The following JMJD1C variants were observed in gnomAD, a reference collection of about 807,000 sequenced individuals.
JMJD1C encodes jumonji domain containing 1C.
A neutral mutation model predicts 245.3 loss-of-function variants in JMJD1C; 31 were observed. That is an observed-to-expected ratio of 0.13 (90% CI 0.09 to 0.17). The LOEUF (loss-of-function observed/expected upper bound fraction) is 0.17, where lower values mean the gene tolerates loss of function less well. Ranked by LOEUF, JMJD1C falls within the 10% of genes least tolerant of loss-of-function variation. JMJD1C has a pLI of 1.00. For missense variants in JMJD1C, 2,691 were observed against 3,000.2 expected, an observed-to-expected ratio of 0.90 and a Z score of 2.41; for synonymous variants, 1,057 against 1,017.4, an observed-to-expected ratio of 1.04 and a Z score of -0.74.
intron 16 of JMJD1C, 111 bp from the exon 17 acceptor site, chr10:63,191,219 C>A: frequency 3.5e-5 from 26 of 746,838 alleles, no homozygotes; most frequent in Non-Finnish European, 5.6e-5. Context: ...GCAACCTCTG[C>A]CTCCCAGGTT....
chr10:63,301,944 A>G (rs1391964992), intron 2 of JMJD1C: 8 of 278,852 alleles, frequency 2.9e-5, no homozygotes, highest in Non-Finnish European at 4.3e-5. Context: ...CTATGAGTAC[A>G]TACAGAACTA....
intron 2 of JMJD1C, among the ~76,000 whole-genome samples, chr10:63,275,019 G>A (rs1352020762): frequency 2.6e-5 from 4 of 152,136 alleles, no homozygotes; most frequent in Non-Finnish European, 5.9e-5. Context: ...AACATTGCAA[G>A]ATGCTGTCTC....
chr10:63,167,516 C>CTACTT lies in JMJD1C; in HGVS notation c.*524_*528dup, dbSNP rs1167620241. On this transcript the variant is annotated 3_prime_UTR_variant, in exon 26 of 26. Transcript: ENST00000399262. ...ATATTGAAGTGTCTGTATTTAGTAT[C>CTACTT]TACTTTATATACTTTATACTTTACA... 6.6e-6 allele frequency: 1 copy of CTACTT among 152,436 alleles called. No individual in the cohort carries two copies. The highest frequency in any genetic ancestry group is 2.4e-5 in the African/African-American group (1 of 41,388). The allele number at this position is 152,436 out of a possible 1,614,324, so 9.4% of individuals were successfully genotyped here. A position where few individuals can be genotyped will look rare whatever the true frequency, so the allele number is the denominator to read the frequency against.
chr10:63,221,956 A>G (rs943102182), intron 3 of JMJD1C, among the ~76,000 whole-genome samples: 3 of 152,186 alleles, frequency 2.0e-5, no homozygotes, highest in African/African-American at 7.2e-5. Context: ...TCCTGACCTC[A>G]GGTGATCCAC....
intron 1 of JMJD1C, among the ~76,000 whole-genome samples, chr10:63,513,917 G>GATAAAATAAA (rs566826128): frequency 4.0e-5 from 6 of 151,378 alleles, no homozygotes; most frequent in African/African-American, 1.5e-4. Flanking sequence ...TAGCTCAAAA[G>GATAAAATAAA]ATAAAATAAA....
chr10:63,204,205 A>G, intron 10 of JMJD1C: 2 of 984,832 alleles, frequency 2.0e-6, no homozygotes, highest in Non-Finnish European at 2.4e-6. Flanking sequence ...TTAATAGATG[A>G]CATCTAATAT....
chr10:63,282,241 T>C (rs1857495681), intron 2 of JMJD1C, among the ~76,000 whole-genome samples: 2 of 152,226 alleles, frequency 1.3e-5, no homozygotes, highest in South Asian at 4.1e-4. Context: ...GCCAAATTTT[T>C]CAATGGACAA....
intron 2 of JMJD1C, among the ~76,000 whole-genome samples, chr10:63,305,196 GTCTCTAC>G (rs964851400): frequency 6.6e-6 from 1 of 151,420 alleles, no homozygotes; most frequent in African/African-American, 2.4e-5. Flanking sequence ...GTGAAACCCC[GTCTCTAC>G]TAAAAATAAA....
Position 63,337,624 on chromosome 10 carries a change from A to AAAAAGAAAAGAAAAAGAAAAG in JMJD1C, c.333+42693_333+42694insCTTTTCTTTTTCTTTTCTTTT, listed in dbSNP as rs1554892781. 6.6e-5 allele frequency among the ~76,000 whole-genome samples: 4 copies of AAAAAGAAAAGAAAAAGAAAAG among 60,194 alleles called. 1 individual carries two copies. Among genetic ancestry groups the AAAAAGAAAAGAAAAAGAAAAG allele is most frequent in the Non-Finnish European group, 1.3e-4 (4 of 30,156 alleles). The allele number at this position is 60,194 out of a possible 152,430, so 39.5% of individuals were successfully genotyped here. A position where few individuals can be genotyped will look rare whatever the true frequency, so the allele number is the denominator to read the frequency against. Reference sequence around the variant, plus strand: ...AAAAGAAAAGAAAAGAAAAGAAAAGAAAAAGAAAAGAAAAAAAATCCGCTA... The same window carrying AAAAAGAAAAGAAAAAGAAAAG: ...AAAAGAAAAGAAAAGAAAAGAAAAGAAAAAGAAAAGAAAAAGAAAAGAAAAGAAAAGAAAAAAAATCCGCTA... On this transcript the variant is annotated intron_variant, in intron 2 of 25. Coordinates refer to ENST00000399262, the MANE Select transcript of JMJD1C (RefSeq NM_032776.3).
chr10:63,429,358 AAGAC>A (rs761154657), intron 1 of JMJD1C, among the ~76,000 whole-genome samples: 17 of 152,150 alleles, frequency 1.1e-4, no homozygotes, highest in Non-Finnish European at 1.6e-4. Flanking sequence ...AGAAAAAAAA[AAGAC>A]AGCTTTGAAG....
chr10:63,465,702 G>T lies in JMJD1C; in HGVS notation c.-40C>A, dbSNP rs774549375. On this transcript the variant is annotated 5_prime_UTR_variant, in exon 1 of 26. Transcript: ENST00000399262. Reference sequence around the variant, plus strand: ...AAGCGGCCGCTGCCTCCTCCAGTGCGAGGGAACCGATGAAACCTCACTCCT... The same window carrying T: ...AAGCGGCCGCTGCCTCCTCCAGTGCTAGGGAACCGATGAAACCTCACTCCT... 1 of 1,600,510 alleles carries T rather than the reference G, an allele frequency of 6.2e-7. No individual in the cohort carries two copies. The highest frequency in any genetic ancestry group is 8.5e-7 in the Non-Finnish European group (1 of 1,178,134).
intron 1 of JMJD1C, among the ~76,000 whole-genome samples, chr10:63,492,626 A>G (rs1222774714): frequency 3.9e-5 from 6 of 152,204 alleles, no homozygotes; most frequent in Non-Finnish European, 7.3e-5. Flanking sequence ...GTAAGCCAAG[A>G]TTGCGAACAC....
At chr10:63,223,846 C>T (rs754293204) in intron 3 of JMJD1C, among the ~76,000 whole-genome samples, 4 of 152,152 alleles carry the variant, frequency 2.6e-5, no homozygotes, top group East Asian at 1.9e-4. Context: ...CTCCACCTCC[C>T]GGGTTCAAGA....
At chr10:63,495,421 A>C (rs1046680540) in intron 1 of JMJD1C, among the ~76,000 whole-genome samples, 4 of 151,592 alleles carry the variant, frequency 2.6e-5, no homozygotes, top group South Asian at 4.2e-4. Flanking sequence ...AAAAAAAAAG[A>C]CTAAAAACAA....
rs1429624764 is a variant in JMJD1C, at chr10:63,243,121, A to G, written c.447+21530T>C. On this transcript the variant is annotated intron_variant, in intron 3 of 25. Transcript: ENST00000399262. ...ACATAAATTATATATATATATATAT[A>G]TATAAATATATATATGGCTAGATAG... Among the ~76,000 whole-genome samples, 12 of 87,288 alleles carry G rather than the reference A, an allele frequency of 1.4e-4. 1 individual carries two copies. Among genetic ancestry groups the G allele is most frequent in the Non-Finnish European group, 6.5e-5 (2 of 30,794 alleles). The allele number at this position is 87,288 out of a possible 152,430, so 57.3% of individuals were successfully genotyped here.
chr10:63,243,911 C>A (rs1851835311), intron 3 of JMJD1C, among the ~76,000 whole-genome samples: 1 of 152,176 alleles, frequency 6.6e-6, no homozygotes, highest in Admixed American at 6.5e-5. Context: ...CCCCTCCCAG[C>A]AATCTGCCCA....
intron 2 of JMJD1C, among the ~76,000 whole-genome samples, chr10:63,310,405 T>C (rs1332873664): frequency 1.3e-5 from 2 of 152,172 alleles, no homozygotes; most frequent in Admixed American, 6.5e-5. Flanking sequence ...ATTTAAGACA[T>C]TGTTCTATTG....
intron 1 of JMJD1C, among the ~76,000 whole-genome samples, chr10:63,407,843 C>A (rs375625342): frequency 4.0e-5 from 6 of 149,128 alleles, no homozygotes; most frequent in Admixed American, 4.0e-4. Context: ...AGAAAAAAAT[C>A]TTTAGCAAAT....
At chr10:63,397,864 T>C (rs905016878) in intron 1 of JMJD1C, among the ~76,000 whole-genome samples, 1 of 152,216 alleles carries the variant, frequency 6.6e-6, no homozygotes, top group Non-Finnish European at 1.5e-5. Context: ...TTCATCACCA[T>C]AAGAGAGTGA....
Sources: gnomAD v4.1 joint callset for allele counts (sites outside exome capture counted in the v4.1 genomes callset) on GRCh38, gnomAD v4.1.1 for gene constraint, MANE v1.5 for transcripts, NCBI Gene and HGNC (gene_info 2026-07-23, HGNC 2026-07-21) for gene names.